Variants in PBX1 observed in about 807,000 individuals in gnomAD.
The protein encoded by PBX1 is pre-B-cell leukemia transcription factor 1.
In PBX1, 6 loss-of-function variants were observed where a neutral mutation model predicts 53.4. The ratio of observed to expected loss-of-function variants is 0.11; its 90% CI spans 0.06 to 0.22. The LOEUF (loss-of-function observed/expected upper bound fraction) is 0.22, where lower values mean the gene tolerates loss of function less well. Ranked by LOEUF, PBX1 falls within the 10% of genes least tolerant of loss-of-function variation. PBX1 has a pLI of 1.00. For synonymous variants in PBX1, 204 were observed against 212.3 expected (o/e 0.96, Z 0.34); for missense variants, 251 against 551.4 (o/e 0.46, Z 5.46).
intron 2 of PBX1, among the ~76,000 whole-genome samples, chr1:164,717,393 G>A (rs1198339735): frequency 6.6e-6 from 1 of 152,140 alleles, no homozygotes; most frequent in Non-Finnish European, 1.5e-5. Flanking sequence ...CACAGGGTGG[G>A]TACAGATTAG....
intron 2 of PBX1, among the ~76,000 whole-genome samples, chr1:164,790,778 G>T (rs760103922): frequency 6.6e-6 from 1 of 152,230 alleles, no homozygotes; most frequent in Non-Finnish European, 1.5e-5. Context: ...GCAGCCAGGA[G>T]CATGTGGGCA....
intron 8 of PBX1, among the ~76,000 whole-genome samples, chr1:164,839,244 A>G (rs2102406402): frequency 6.6e-6 from 1 of 152,342 alleles, no homozygotes; most frequent in Non-Finnish European, 1.5e-5. Context: ...TTGATAATAT[A>G]GCAAATGTCA....
At chr1:164,778,175 C>CGTA (rs1667759822) in intron 2 of PBX1, among the ~76,000 whole-genome samples, 1 of 152,176 alleles carries the variant, frequency 6.6e-6, no homozygotes, top group African/African-American at 2.4e-5. Context: ...CTTACAACAG[C>CGTA]AACTCAGTGC....
intron 2 of PBX1, among the ~76,000 whole-genome samples, chr1:164,858,676 A>G (rs1290237438): frequency 1.3e-5 from 2 of 152,198 alleles, no homozygotes; most frequent in East Asian, 1.9e-4. Flanking sequence ...TAAAGGCCCA[A>G]ATGAATAAAT....
chr1:164,766,438 A>G (rs1358454877), intron 2 of PBX1, among the ~76,000 whole-genome samples: 3 of 152,052 alleles, frequency 2.0e-5, no homozygotes, highest in African/African-American at 7.2e-5. Flanking sequence ...TGCTTTACCT[A>G]TGAGGAACAC....
At chr1:164,573,907 G>T (rs115001408) in intron 2 of PBX1, among the ~76,000 whole-genome samples, 7 of 152,292 alleles carry the variant, frequency 4.6e-5, no homozygotes, top group Non-Finnish European at 8.8e-5. Context: ...ACTCCGTTTT[G>T]TTCCTTTTTT....
chr1:164,562,150 C>T (rs1482102290), intron 1 of PBX1, among the ~76,000 whole-genome samples: 1 of 151,660 alleles, frequency 6.6e-6, no homozygotes, highest in Non-Finnish European at 1.5e-5. Flanking sequence ...TTTGATAGTC[C>T]TGAATTTTGA....
chr1:164,708,124 C>A (rs2102066059), intron 2 of PBX1, among the ~76,000 whole-genome samples: 1 of 152,310 alleles, frequency 6.6e-6, no homozygotes, highest in South Asian at 2.1e-4. Context: ...TGACCTCAGC[C>A]TGATGCAGGC....
At chr1:164,571,725 T>A (rs577112510) in intron 2 of PBX1, among the ~76,000 whole-genome samples, 1 of 151,626 alleles carries the variant, frequency 6.6e-6, no homozygotes, top group Non-Finnish European at 1.5e-5. Context: ...TTCATTTCTC[T>A]GGATAAGGAG....
chr1:164,715,253 A>C (rs556746939), intron 2 of PBX1, among the ~76,000 whole-genome samples: 95 of 152,346 alleles, frequency 6.2e-4, no homozygotes, highest in Admixed American at 1.8e-3. Flanking sequence ...TCATTTGTTA[A>C]ATATCTTTCA....
chr1:164,663,982 A>T (rs1276762981), intron 2 of PBX1, among the ~76,000 whole-genome samples: 1 of 152,214 alleles, frequency 6.6e-6, no homozygotes, highest in Non-Finnish European at 1.5e-5. Context: ...CAGTCTCCCC[A>T]TTTGTGACAG....
intron 5 of PBX1, among the ~76,000 whole-genome samples, chr1:164,810,958 G>A (rs74118212): frequency 0.022 from 3,367 of 152,052 alleles, 134 homozygotes; most frequent in African/African-American, 0.077. Context: ...TTGTTAATGC[G>A]TTTAAAAAAT....
intron 2 of PBX1, among the ~76,000 whole-genome samples, chr1:164,765,450 C>T (rs1571361140): frequency 6.6e-6 from 1 of 152,114 alleles, no homozygotes; most frequent in Admixed American, 6.5e-5. Flanking sequence ...GATTGGCTCC[C>T]GATAATGGCT....
chr1:164,673,465 CTTTTTTTTTTTT>C (rs1171916726), intron 2 of PBX1, among the ~76,000 whole-genome samples: 1 of 109,406 alleles, frequency 9.1e-6, no homozygotes, highest in Non-Finnish European at 1.8e-5. Context: ...AAATTACTAA[CTTTTTTTTTTTT>C]TTTTTTTTTT....
At position 164,809,092 on chromosome 1, in the gene PBX1, G is replaced by A. The variant is rs137931892; in HGVS notation, c.837+1415G>A. Reference sequence around the variant, plus strand: ...GCTTCTAGGTATGGACCACAAATATGCAGCAAATATCAAATCACTGAATTT... The same window carrying A: ...GCTTCTAGGTATGGACCACAAATATACAGCAAATATCAAATCACTGAATTT... On this transcript the variant is annotated intron_variant, in intron 5 of 8. Transcript: ENST00000420696. Among the ~76,000 whole-genome samples the A allele has an allele frequency of 2.5e-3, 388 of 152,224 alleles. 2 individuals are homozygous for A. The highest frequency in any genetic ancestry group is 9.2e-3 in the African/African-American group (383 of 41,544).
At chr1:164,831,232 G>T (rs766249515) in intron 8 of PBX1, among the ~76,000 whole-genome samples, 3 of 152,012 alleles carry the variant, frequency 2.0e-5, no homozygotes, top group Non-Finnish European at 4.4e-5. Flanking sequence ...AAAGTAAATT[G>T]CAGACAACAG....
intron 2 of PBX1, among the ~76,000 whole-genome samples, chr1:164,655,297 G>C (rs138910415): frequency 0.023 from 3,425 of 152,080 alleles, 68 homozygotes; most frequent in Non-Finnish European, 0.036. Context: ...ACTTTTAGTA[G>C]AGACGGGGTT....
chr1:164,627,897 C>T (rs1658148766), intron 2 of PBX1, among the ~76,000 whole-genome samples: 1 of 152,166 alleles, frequency 6.6e-6, no homozygotes, highest in African/African-American at 2.4e-5. Context: ...TGAATTTACC[C>T]AAGCTGGTTC....
intron 3 of PBX1, among the ~76,000 whole-genome samples, chr1:164,797,652 A>T (rs943562264): frequency 2.6e-5 from 4 of 152,180 alleles, no homozygotes; most frequent in Admixed American, 2.6e-4. Flanking sequence ...TTTTACCAAG[A>T]GGGAAATTGA....
Sources: gnomAD v4.1 joint callset for allele counts (sites outside exome capture counted in the v4.1 genomes callset) on GRCh38, gnomAD v4.1.1 for gene constraint, MANE v1.5 for transcripts, NCBI Gene and HGNC (gene_info 2026-07-23, HGNC 2026-07-21) for gene names.